The following RALYL variants were observed in gnomAD, a reference collection of about 807,000 sequenced individuals.
RALYL encodes RNA-binding Raly-like protein.
A neutral mutation model predicts 35.1 loss-of-function variants in RALYL; 29 were observed. The observed-to-expected ratio is 0.83, with a 90% confidence interval of 0.61 to 1.13. RALYL has a LOEUF of 1.13. RALYL is among the 50% of genes most tolerant of loss of function. RALYL has a pLI of 0.00. For synonymous variants in RALYL, 120 were observed against 127.6 expected, an observed-to-expected ratio of 0.94 and a Z score of 0.40; for missense variants, 359 against 360.4, an observed-to-expected ratio of 1.00 and a Z score of 0.03.
chr8:84,906,628 T>C (rs1446724194), intron 8 of RALYL, among the ~76,000 whole-genome samples: 1 of 152,110 alleles, frequency 6.6e-6, no homozygotes, highest in African/African-American at 2.4e-5. Flanking sequence ...AAAAGAGATT[T>C]ATTGCCAAAA....
intron 1 of RALYL, among the ~76,000 whole-genome samples, chr8:84,187,035 G>A (rs951257194): frequency 7.9e-5 from 12 of 151,384 alleles, no homozygotes; most frequent in South Asian, 4.2e-4. Flanking sequence ...CTTACTAAGC[G>A]AGAAGGAGGG....
chr8:84,765,615 C>T (rs1563552889), intron 2 of RALYL, among the ~76,000 whole-genome samples: 1 of 152,092 alleles, frequency 6.6e-6, no homozygotes, highest in South Asian at 2.1e-4. Flanking sequence ...TACCAAAACA[C>T]TTTTTGGTGG....
intron 3 of RALYL, among the ~76,000 whole-genome samples, chr8:84,803,683 A>G (rs1355646114): frequency 1.3e-5 from 2 of 152,222 alleles, no homozygotes; most frequent in African/African-American, 4.8e-5. Flanking sequence ...CCAAAGCAGC[A>G]TGGTATATGG....
At chr8:84,482,427 C>T (rs1184727673) in intron 1 of RALYL, among the ~76,000 whole-genome samples, 1 of 151,974 alleles carries the variant, frequency 6.6e-6, no homozygotes, top group African/African-American at 2.4e-5. Context: ...TAAATAATAG[C>T]TTTCTGGTTT....
chr8:84,420,490 G>A (rs1441475621), intron 1 of RALYL, among the ~76,000 whole-genome samples: 3 of 150,206 alleles, frequency 2.0e-5, no homozygotes, highest in Non-Finnish European at 4.4e-5. Flanking sequence ...CTCCCATGTT[G>A]TAGGTTGCCT....
At chr8:84,517,109 A>T (rs2058125034) in intron 1 of RALYL, among the ~76,000 whole-genome samples, 1 of 152,180 alleles carries the variant, frequency 6.6e-6, no homozygotes, top group African/African-American at 2.4e-5. Flanking sequence ...AACTGGCCAA[A>T]CACTGTTACC....
At chr8:84,501,306 G>C (rs1187015271) in intron 1 of RALYL, among the ~76,000 whole-genome samples, 1 of 152,046 alleles carries the variant, frequency 6.6e-6, no homozygotes, top group East Asian at 1.9e-4. Context: ...AATGCGTATT[G>C]TTTGCCCTTC....
At chr8:84,896,272 C>A (rs1242848673) in intron 8 of RALYL, among the ~76,000 whole-genome samples, 1 of 152,262 alleles carries the variant, frequency 6.6e-6, no homozygotes, top group South Asian at 2.1e-4. Context: ...GCCCTGTCCC[C>A]AGCTCTAAAC....
At chr8:84,268,479 A>G (rs1260164611) in intron 1 of RALYL, among the ~76,000 whole-genome samples, 2 of 152,228 alleles carry the variant, frequency 1.3e-5, no homozygotes, top group African/African-American at 4.8e-5. Flanking sequence ...AAGTCAAATC[A>G]CATAATAAAT....
intron 2 of RALYL, among the ~76,000 whole-genome samples, chr8:84,732,634 G>T (rs1323923977): frequency 1.4e-5 from 2 of 144,054 alleles, no homozygotes; most frequent in African/African-American, 5.3e-5. Context: ...ATTTATCTGA[G>T]AAGTCTAATT....
intron 4 of RALYL, among the ~76,000 whole-genome samples, chr8:84,838,666 T>C (rs987654285): frequency 1.3e-5 from 2 of 152,220 alleles, no homozygotes; most frequent in Admixed American, 6.5e-5. Context: ...TAACTGGTTC[T>C]TGTAAATACA....
chr8:84,475,015 C>A (rs1281244348), intron 1 of RALYL, among the ~76,000 whole-genome samples: 2 of 151,756 alleles, frequency 1.3e-5, no homozygotes, highest in Non-Finnish European at 2.9e-5. Flanking sequence ...GCACCCATTA[C>A]TTGTCATTTA....
chr8:84,767,528 A>C (rs1814405529), intron 2 of RALYL, among the ~76,000 whole-genome samples: 1 of 152,180 alleles, frequency 6.6e-6, no homozygotes, highest in Non-Finnish European at 1.5e-5. Flanking sequence ...TTGAAACTTC[A>C]GAATGAGATG....
chr8:84,492,086 TC>T (rs1193792697), intron 1 of RALYL, among the ~76,000 whole-genome samples: 1 of 152,026 alleles, frequency 6.6e-6, no homozygotes, highest in Non-Finnish European at 1.5e-5. Flanking sequence ...TAAACTTTTT[TC>T]AGTCTTCTAA....
At chr8:84,756,926 ATTTC>A (rs1811561271) in intron 2 of RALYL, among the ~76,000 whole-genome samples, 1 of 151,940 alleles carries the variant, frequency 6.6e-6, no homozygotes, top group South Asian at 2.1e-4. Flanking sequence ...TTTTTTGCCA[ATTTC>A]TTACTTGATT....
intron 3 of RALYL, among the ~76,000 whole-genome samples, chr8:84,779,897 T>A (rs1197850858): frequency 6.6e-6 from 1 of 152,212 alleles, no homozygotes; most frequent in Admixed American, 6.5e-5. Flanking sequence ...ACCTTGAAAG[T>A]AGAAATGAAA....
intron 4 of RALYL, among the ~76,000 whole-genome samples, chr8:84,810,506 G>C (rs772716146): frequency 2.0e-5 from 3 of 152,130 alleles, no homozygotes; most frequent in Non-Finnish European, 2.9e-5. Flanking sequence ...AAGACCATTT[G>C]TTCCAAGGTA....
At chr8:84,722,418 C>T (rs1844101024) in intron 2 of RALYL, among the ~76,000 whole-genome samples, 1 of 151,490 alleles carries the variant, frequency 6.6e-6, no homozygotes, top group Admixed American at 6.6e-5. Flanking sequence ...TGGCCAAGGT[C>T]ATAGGGTTGA....
At chr8:84,550,840 C>G (rs2060669557) in intron 2 of RALYL, among the ~76,000 whole-genome samples, 2 of 151,812 alleles carry the variant, frequency 1.3e-5, no homozygotes, top group South Asian at 4.1e-4. Context: ...TGATTACTAT[C>G]TATAAAATAA....
Sources: allele counts gnomAD v4.1 joint callset (sites outside exome capture counted in the v4.1 genomes callset), GRCh38; gene constraint gnomAD v4.1.1; transcripts MANE v1.5; gene names NCBI Gene and HGNC (gene_info 2026-07-23, HGNC 2026-07-21).